The following PAPPA variants were observed in gnomAD, a reference collection of about 807,000 sequenced individuals.
The protein encoded by PAPPA is pappalysin-1.
Under a neutral mutation model 164.0 loss-of-function variants are expected in PAPPA, and 60 were observed. The ratio of observed to expected loss-of-function variants is 0.37; its 90% CI spans 0.30 to 0.45. The LOEUF (loss-of-function observed/expected upper bound fraction) is 0.45, where lower values mean the gene tolerates loss of function less well. PAPPA is among the 20% of genes least tolerant of loss of function. The probability of loss-of-function intolerance (pLI) is 1.00; values close to 1 mark genes in which losing one functional copy is unlikely to be tolerated. For missense variants in PAPPA, 1,782 were observed against 2,087.3 expected, an observed-to-expected ratio of 0.85 and a Z score of 2.85; for synonymous variants, 875 against 814.1, an observed-to-expected ratio of 1.07 and a Z score of -1.27.
chr9:116,219,816 C>A, intron 4 of PAPPA, 121 bp from the exon 5 acceptor site: 1 of 718,246 alleles, frequency 1.4e-6, no homozygotes, highest in Non-Finnish European at 2.4e-6. Flanking sequence ...AGAGGCCAGC[C>A]CTGAGTTGGC....
At chr9:116,315,507 G>A (rs1845776960) in intron 10 of PAPPA, among the ~76,000 whole-genome samples, 2 of 152,340 alleles carry the variant, frequency 1.3e-5, no homozygotes, top group South Asian at 4.1e-4. Flanking sequence ...TGGGCAAAAA[G>A]TAGGAAACAG....
chr9:116,244,710 C>G (rs205301), intron 7 of PAPPA, among the ~76,000 whole-genome samples: 1 of 152,082 alleles, frequency 6.6e-6, no homozygotes, highest in Non-Finnish European at 1.5e-5. Context: ...TTATACACTT[C>G]TGATGAAAAT....
At chr9:116,174,939 A>T (rs1208171392) in intron 1 of PAPPA, among the ~76,000 whole-genome samples, 2 of 151,922 alleles carry the variant, frequency 1.3e-5, no homozygotes, top group African/African-American at 4.8e-5. Context: ...CCAAATAGAA[A>T]TTTTTTTCTC....
chr9:116,338,140 AGTTT>A (rs1846085312), intron 13 of PAPPA, among the ~76,000 whole-genome samples: 1 of 152,132 alleles, frequency 6.6e-6, no homozygotes, highest in Non-Finnish European at 1.5e-5. Flanking sequence ...GAAATTGAAC[AGTTT>A]ATTATAAAAT....
intron 6 of PAPPA, among the ~76,000 whole-genome samples, chr9:116,233,578 G>A (rs1844623684): frequency 6.6e-6 from 1 of 152,182 alleles, no homozygotes; most frequent in African/African-American, 2.4e-5. Flanking sequence ...TTGCTGTGAT[G>A]CATTATATCT....
intron 20 of PAPPA, 62 bp downstream of exon 20, chr9:116,377,709 T>C: frequency 8.0e-7 from 1 of 1,242,296 alleles, no homozygotes. Context: ...GTTATTGTTA[T>C]TGTTATATTA....
intron 6 of PAPPA, 32 bp downstream of exon 6, chr9:116,227,584 G>A (rs751324074): frequency 5.0e-6 from 8 of 1,612,060 alleles, no homozygotes; most frequent in Non-Finnish European, 6.8e-6. Flanking sequence ...TCATTGACAG[G>A]AGGAGTGTGC....
intron 2 of PAPPA, among the ~76,000 whole-genome samples, chr9:116,195,428 A>G (rs1844092676): frequency 6.6e-6 from 1 of 152,224 alleles, no homozygotes; most frequent in African/African-American, 2.4e-5. Context: ...ACAGTAGAAG[A>G]TCAATACAGT....
At chr9:116,372,629 CA>C (rs1846590225) in intron 19 of PAPPA, among the ~76,000 whole-genome samples, 1 of 151,942 alleles carries the variant, frequency 6.6e-6, no homozygotes, top group African/African-American at 2.4e-5. Flanking sequence ...GAGTGTTTCA[CA>C]ATAGAAAGTG....
chr9:116,220,245 A>C, intron 5 of PAPPA, 116 bp downstream of exon 5: 1 of 754,002 alleles, frequency 1.3e-6, no homozygotes, highest in Non-Finnish European at 2.1e-6. Context: ...TTCTTGTTCA[A>C]AAGGTATCTC....
At chr9:116,247,292 G>T (rs998796045) in intron 7 of PAPPA, among the ~76,000 whole-genome samples, 5 of 152,156 alleles carry the variant, frequency 3.3e-5, no homozygotes, top group African/African-American at 1.2e-4. Context: ...TATTCAGGAG[G>T]TCTTGTTCTG....
At chr9:116,296,779 G>A (rs771685216) in intron 9 of PAPPA, among the ~76,000 whole-genome samples, 2 of 152,140 alleles carry the variant, frequency 1.3e-5, no homozygotes, top group African/African-American at 2.4e-5. Flanking sequence ...CGTGTGGAAT[G>A]TGCATGAAGA....
chr9:116,322,686 C>T (rs892250882), intron 10 of PAPPA, among the ~76,000 whole-genome samples: 1 of 152,098 alleles, frequency 6.6e-6, no homozygotes, highest in Admixed American at 6.5e-5. Flanking sequence ...CTTCTTGCAC[C>T]CTTGCAATTC....
chr9:116,273,324 C>G (rs1248273978), intron 9 of PAPPA, among the ~76,000 whole-genome samples: 1 of 152,176 alleles, frequency 6.6e-6, no homozygotes, highest in Non-Finnish European at 1.5e-5. Context: ...CCATAGCCAG[C>G]CTGCCCCCTG....
At chr9:116,279,654 C>T (rs1225136449) in intron 9 of PAPPA, among the ~76,000 whole-genome samples, 1 of 152,136 alleles carries the variant, frequency 6.6e-6, no homozygotes, top group Admixed American at 6.5e-5. Context: ...CAGCCAGAGT[C>T]CAAGGCAGGT....
In PAPPA at chr9:116,165,026, C is replaced by T. The variant is rs1299927771; in HGVS notation, c.415+10439C>T. Among the ~76,000 whole-genome samples the T allele has an allele frequency of 2.6e-5, 4 of 152,094 alleles. No homozygotes were observed. The East Asian group carries it at 5.8e-4, about 22-fold the overall frequency. ...AGTCAGTGACCAAGCTGGGTAAAGA[C>T]GAGTACCATTGACTGATAACATCTT... On this transcript the variant is annotated intron_variant, in intron 1 of 21. Transcript: ENST00000328252.
rs7029235 is a variant in PAPPA, at chr9:116,193,682, A to G, written c.1478+5466A>G. Among the ~76,000 whole-genome samples, 332 of 152,318 alleles carry G rather than the reference A, an allele frequency of 2.2e-3. 3 individuals carry two copies. Among genetic ancestry groups the G allele is most frequent in the Non-Finnish European group, 3.2e-3 (221 of 68,028 alleles). ...ATGTTTATGTTCTTACCCATCATCC[A>G]CATTCCATTAAGACACCTTAGTATC... is the stretch of plus-strand genomic sequence containing the variant. On this transcript the variant is annotated intron_variant, in intron 2 of 21. Coordinates refer to ENST00000328252, the MANE Select transcript of PAPPA (RefSeq NM_002581.5).
At chr9:116,239,553 G>A (rs1159156444) in intron 7 of PAPPA, among the ~76,000 whole-genome samples, 2 of 152,164 alleles carry the variant, frequency 1.3e-5, no homozygotes, top group African/African-American at 4.8e-5. Flanking sequence ...CACTGGCTCT[G>A]TATGCCCTAC....
rs544171800 is a variant in PAPPA at position 116,203,222 on chromosome 9, G to C, written c.1479-4234G>C. Among the ~76,000 whole-genome samples, 30 of 152,346 alleles carry C rather than the reference G, an allele frequency of 2.0e-4. 1 individual carries two copies. The highest frequency in any genetic ancestry group is 6.5e-4 in the African/African-American group (27 of 41,584). ...ACACAAGTGACATGTACACAGGTTA[G>C]AGCAGAGAGGTTTGTTGGCAGGCTT... is the stretch of plus-strand genomic sequence containing the variant. On this transcript the variant is annotated intron_variant, in intron 2 of 21. Coordinates refer to ENST00000328252, the MANE Select transcript of PAPPA (RefSeq NM_002581.5).
Sources: allele counts gnomAD v4.1 joint callset (sites outside exome capture counted in the v4.1 genomes callset), GRCh38; gene constraint gnomAD v4.1.1; transcripts MANE v1.5; gene names NCBI Gene and HGNC (gene_info 2026-07-23, HGNC 2026-07-21).